UGT2A1: variants seen among roughly 807,000 people sequenced by gnomAD.
UGT2A1 encodes the protein UDP-glucuronosyltransferase 2A1.
Under a neutral mutation model 45.4 loss-of-function variants are expected in UGT2A1, and 61 were observed. That is an observed-to-expected ratio of 1.34 (90% CI 1.09 to 1.66). UGT2A1 has a LOEUF of 1.66. UGT2A1 is among the 40% of genes most tolerant of loss of function. The pLI is 0.00. For missense variants in UGT2A1, 649 were observed against 574.3 expected, an observed-to-expected ratio of 1.13 and a Z score of -1.33; for synonymous variants, 229 against 196.2, an observed-to-expected ratio of 1.17 and a Z score of -1.40.
intron 6 of UGT2A1, among the ~76,000 whole-genome samples, chr4:69,591,674 A>G (rs1168642739): frequency 6.6e-6 from 1 of 152,160 alleles, no homozygotes; most frequent in African/African-American, 2.4e-5. Flanking sequence ...CTGAGGAGGA[A>G]GTCCATTTGG....
In UGT2A1 at chr4:69,607,807, A is replaced by T. The variant is rs530941716; in HGVS notation, c.848-8413T>A. Among the ~76,000 whole-genome samples the T allele has an allele frequency of 4.6e-5, 7 of 152,364 alleles. No homozygotes were observed. In the South Asian group the frequency reaches 1.4e-3, roughly 32 times the overall value. ...AAGAAGACATTTATGCAGCCAAAAG[A>T]CACATGAAAAAATGCTCATCATCAC... On this transcript the variant is annotated intron_variant, in intron 3 of 6. Transcript: ENST00000286604.
At chr4:69,611,880 G>T (rs887159527) in intron 3 of UGT2A1, among the ~76,000 whole-genome samples, 1 of 152,006 alleles carries the variant, frequency 6.6e-6, no homozygotes, top group Non-Finnish European at 1.5e-5. Context: ...TTACACATAC[G>T]CATTCACATA....
chr4:69,622,502 T>C (rs1372990785), intron 3 of UGT2A1, among the ~76,000 whole-genome samples: 1 of 151,778 alleles, frequency 6.6e-6, no homozygotes, highest in Admixed American at 6.6e-5. Flanking sequence ...AATAAATAGA[T>C]TTGAAAACAA....
At chr4:69,596,117 C>A (rs551210445) in intron 4 of UGT2A1, 4 of 1,253,918 alleles carry the variant, frequency 3.2e-6, no homozygotes, top group Middle Eastern at 6.2e-4. Flanking sequence ...TATTACACAA[C>A]GTTACTTACA....
chr4:69,603,356 C>A (rs1253267671), intron 3 of UGT2A1, among the ~76,000 whole-genome samples: 1 of 136,482 alleles, frequency 7.3e-6, no homozygotes, highest in Non-Finnish European at 1.6e-5. Flanking sequence ...TGCAGGCATG[C>A]AGGAAAAAAT....
intron 3 of UGT2A1, among the ~76,000 whole-genome samples, chr4:69,632,299 G>A (rs1721431459): frequency 6.6e-6 from 1 of 152,114 alleles, no homozygotes; most frequent in African/African-American, 2.4e-5. Flanking sequence ...ACTAGGTTTT[G>A]GGGTTAATAA....
At chr4:69,649,873 A>T (rs1283499627) in intron 1 of UGT2A1, among the ~76,000 whole-genome samples, 2 of 152,126 alleles carry the variant, frequency 1.3e-5, no homozygotes, top group African/African-American at 2.4e-5. Context: ...ACACATGCGC[A>T]GTAAGGAAAC....
rs1183850537 is a variant in UGT2A1 at position 69,589,455 on chromosome 4, T to A, written c.1501A>T (p.Thr501Ser). Residue 501 changes from threonine (T) to serine (S), a missense_variant, in exon 7 of 7, where the codon ACG becomes TCG. Physicochemically the swap from Thr to Ser is moderately conservative, Grantham distance 58 (BLOSUM62 1). Transcript: ENST00000286604. ...VIGFLLVCVT[T>S]AIFLVIQCCL... Reference sequence around the variant, plus strand: ...CATTGTATGACCAAAAATATAGCCGTTGTCACACAGACCAGCAAGAACCCA... The same window carrying A: ...CATTGTATGACCAAAAATATAGCCGATGTCACACAGACCAGCAAGAACCCA... The A allele has an allele frequency of 1.2e-6, 2 of 1,614,004 alleles. No homozygotes were observed. Among genetic ancestry groups the A allele is most frequent in the Admixed American group, 1.7e-5 (1 of 59,980 alleles).
chr4:69,612,584 A>T (rs1247067477), intron 3 of UGT2A1, among the ~76,000 whole-genome samples: 1 of 151,962 alleles, frequency 6.6e-6, no homozygotes, highest in Non-Finnish European at 1.5e-5. Flanking sequence ...AGCCACACAA[A>T]ACCATTTGAT....
intron 2 of UGT2A1, among the ~76,000 whole-genome samples, chr4:69,643,082 G>C (rs1722113261): frequency 6.6e-6 from 1 of 151,532 alleles, no homozygotes; most frequent in East Asian, 1.9e-4. Flanking sequence ...GACTTAGAAA[G>C]CTCTCCTAAT....
chr4:69,642,356 C>T (rs1239841232), intron 2 of UGT2A1, among the ~76,000 whole-genome samples: 1 of 150,908 alleles, frequency 6.6e-6, no homozygotes, highest in Non-Finnish European at 1.5e-5. Context: ...TTCAAAGATT[C>T]TAACCAATCA....
chr4:69,646,418 T>C (rs1722261816), intron 2 of UGT2A1, among the ~76,000 whole-genome samples: 1 of 151,864 alleles, frequency 6.6e-6, no homozygotes, highest in South Asian at 2.1e-4. Context: ...GATCAATGGT[T>C]GTAGTTCACA....
At chr4:69,644,799 G>C (rs184702238) in intron 2 of UGT2A1, among the ~76,000 whole-genome samples, 17 of 151,750 alleles carry the variant, frequency 1.1e-4, no homozygotes, top group Non-Finnish European at 1.8e-4. Flanking sequence ...AATTATAATT[G>C]GTTTACCAGC....
intron 2 of UGT2A1, 27 bp from the exon 3 acceptor site, chr4:69,635,849 A>AAAAAAAAGAG (rs772370302): frequency 3.4e-5 from 4 of 118,512 alleles, no homozygotes; most frequent in East Asian, 4.7e-4. Flanking sequence ...AAAAAAAAAA[A>AAAAAAAAGAG]AGAGAGAGAG....
rs1718805388 is a variant in UGT2A1, at chr4:69,594,623, G to A, written c.1158C>T (p.Val386=). 4 of 1,614,000 alleles carry A rather than the reference G, an allele frequency of 2.5e-6. No individual in the cohort carries two copies. In the Admixed American group the frequency reaches 6.7e-5, roughly 27 times the overall value. ...CAAACATGGGAACTCCCACCATAGG[G>A]ACTCCGTGGTAAATAGCTTCGTAGA... The part of the protein sequence containing the change: ...NGIYEAIYHG[V]PMVGVPMFAD... The change falls in exon 6 of 7, where the codon GTC becomes GTT. Residue 386 remains valine, a synonymous_variant. Transcript: ENST00000286604.
chr4:69,610,259 G>A (rs530029041), intron 3 of UGT2A1, among the ~76,000 whole-genome samples: 22 of 151,738 alleles, frequency 1.4e-4, no homozygotes, highest in Non-Finnish European at 3.1e-4. Flanking sequence ...AAAAAAAGTT[G>A]CATTGAATTC....
rs566652855 is a variant in UGT2A1, at chr4:69,652,353, G to A, written c.-55+835C>T. On this transcript the variant is annotated intron_variant, in intron 1 of 6. Transcript: ENST00000286604. ...AGCTGGAGTGCAAGGGCATAATCTC[G>A]GGTCACTGCAACCTCCATTTCCCGG... 6.6e-5 allele frequency among the ~76,000 whole-genome samples: 9 copies of A among 136,422 alleles called. No individual in the cohort carries two copies. The South Asian group carries it at 1.1e-3, about 17-fold the overall frequency. The allele number at this position is 136,422 out of a possible 152,430, so 89.5% of individuals were successfully genotyped here. A position where few individuals can be genotyped will look rare whatever the true frequency, so the allele number is the denominator to read the frequency against.
In UGT2A1 at chr4:69,635,828, C is replaced by CAACAAAAAAAAAAAAAAAAAAAAAAAAAA; in HGVS notation, c.716-7_716-6insTTTTTTTTTTTTTTTTTTTTTTTTTTGTT. 1 of 49,134 alleles carries CAACAAAAAAAAAAAAAAAAAAAAAAAAAA rather than the reference C, an allele frequency of 2.0e-5. No homozygotes were observed. The highest frequency in any genetic ancestry group is 3.9e-5 in the Non-Finnish European group (1 of 25,476). 3.0% of individuals were successfully genotyped at this position (49,134 alleles called of 1,614,324 possible). A position where few individuals can be genotyped will look rare whatever the true frequency, so the allele number is the denominator to read the frequency against. ...GCAACAGAGTAAGAGTCCACCTCAC[C>CAACAAAAAAAAAAAAAAAAAAAAAAAAAA]AAAAAAAAAAAAAAAAAAAAAAGAG... On this transcript the variant is annotated splice_region_variant and splice_polypyrimidine_tract_variant and intron_variant, in intron 2 of 6. Coordinates refer to ENST00000286604, the MANE Select transcript of UGT2A1 (RefSeq NM_001252275.3).
At chr4:69,619,316 T>G (rs907161850) in intron 3 of UGT2A1, among the ~76,000 whole-genome samples, 1 of 151,780 alleles carries the variant, frequency 6.6e-6, no homozygotes, top group East Asian at 1.9e-4. Context: ...GGAGAATTGC[T>G]TGAGCCTGGG....
Sources: gnomAD v4.1 joint callset for allele counts (sites outside exome capture counted in the v4.1 genomes callset) on GRCh38, gnomAD v4.1.1 for gene constraint, MANE v1.5 for transcripts, NCBI Gene and HGNC (gene_info 2026-07-23, HGNC 2026-07-21) for gene names.